The following HP1BP3 variants were observed in gnomAD, a reference collection of about 807,000 sequenced individuals.
HP1BP3 encodes heterochromatin protein 1 binding protein 3, also known as heterochromatin protein 1-binding protein 3.
In HP1BP3, 12 loss-of-function variants were observed where a neutral mutation model predicts 62.5. That is an observed-to-expected ratio of 0.19 (90% CI 0.12 to 0.31). The LOEUF (loss-of-function observed/expected upper bound fraction) is 0.31. Among genes scored for constraint, HP1BP3 ranks in the 10% least tolerant of loss-of-function variants. The pLI is 1.00. For synonymous variants in HP1BP3, 260 were observed against 237.8 expected (o/e 1.09, Z -0.86); for missense variants, 502 against 651.8 (o/e 0.77, Z 2.50).
intron 2 of HP1BP3, 102 bp downstream of exon 2, chr1:20,780,243 C>T (rs2057482847): frequency 4.9e-6 from 4 of 820,182 alleles, no homozygotes; most frequent in Non-Finnish European, 8.4e-6. Flanking sequence ...ACAACCTAGA[C>T]TCCCCAAAGT....
At chr1:20,782,908 GAAAAAAAA>G (rs1056907677) in intron 1 of HP1BP3, among the ~76,000 whole-genome samples, 103 of 119,914 alleles carry the variant, frequency 8.6e-4, no homozygotes, top group African/African-American at 3.0e-3. Context: ...TCAAAAAAAA[GAAAAAAAA>G]AAAAAAAAAA....
chr1:20,749,518 C>T (rs1413548337), intron 10 of HP1BP3, among the ~76,000 whole-genome samples: 1 of 151,874 alleles, frequency 6.6e-6, no homozygotes, highest in Non-Finnish European at 1.5e-5. Context: ...ACCACTACAC[C>T]CTGCTAATTT....
In HP1BP3 at chr1:20,747,518, T is replaced by C. The variant is rs376061411; in HGVS notation, c.1253+26A>G. 445 of 1,329,676 alleles carry C rather than the reference T, an allele frequency of 3.3e-4. 3 individuals are homozygous for C. The highest frequency in any genetic ancestry group is 1.1e-3 in the South Asian group (87 of 80,186). 82.4% of individuals were successfully genotyped at this position (1,329,676 alleles called of 1,614,324 possible). On this transcript the variant is annotated intron_variant, in intron 11 of 12. Coordinates refer to ENST00000438032, the MANE Select transcript of HP1BP3 (RefSeq NM_001372052.1). ...TGTAACTTAGACTATAAATTTACAG[T>C]GATCTATTATAGGCTAAGTACTTAC...
intron 10 of HP1BP3, among the ~76,000 whole-genome samples, chr1:20,749,350 TCTTTTC>T (rs1474307426): frequency 6.7e-6 from 1 of 149,228 alleles, no homozygotes; most frequent in Non-Finnish European, 1.5e-5. Context: ...GATTTTTTTT[TCTTTTC>T]TTTTCTTTTC....
intron 9 of HP1BP3, among the ~76,000 whole-genome samples, chr1:20,752,398 G>A (rs1416573972): frequency 2.6e-5 from 4 of 151,648 alleles, no homozygotes; most frequent in Admixed American, 6.6e-5. Flanking sequence ...GGATTCCAGC[G>A]ATTCTCCTGC....
intron 7 of HP1BP3, among the ~76,000 whole-genome samples, chr1:20,767,095 G>C (rs1178799737): frequency 1.3e-5 from 2 of 152,098 alleles, no homozygotes; most frequent in Non-Finnish European, 2.9e-5. Flanking sequence ...GAGGCGGGCA[G>C]ATCACTGAGG....
intron 8 of HP1BP3, 97 bp from the exon 9 acceptor site, chr1:20,757,353 G>C: frequency 1.7e-6 from 1 of 586,342 alleles, no homozygotes; most frequent in South Asian, 2.5e-5. Flanking sequence ...CTAGAGTTCT[G>C]ATTACTATTA....
intron 1 of HP1BP3, among the ~76,000 whole-genome samples, chr1:20,783,056 G>T (rs901868625): frequency 6.6e-6 from 1 of 152,016 alleles, no homozygotes; most frequent in Non-Finnish European, 1.5e-5. Context: ...AGGCTACAGT[G>T]AGCTAGAATT....
Position 20,784,838 on chromosome 1 carries a change from G to A in HP1BP3, c.-101+2357C>T, listed in dbSNP as rs74229123. Among the ~76,000 whole-genome samples the A allele has an allele frequency of 7.9e-5, 12 of 152,132 alleles. No individual in the cohort carries two copies. In the East Asian group the frequency reaches 1.4e-3, roughly 17 times the overall value. On this transcript the variant is annotated intron_variant, in intron 1 of 12. Coordinates refer to ENST00000438032, the MANE Select transcript of HP1BP3 (RefSeq NM_001372052.1). ...AAATAAACAGTCTGAGTTTACTTGT[G>A]GTTTACATGGTCCTCTTATGAACAT...
intron 9 of HP1BP3, 39 bp from the exon 10 acceptor site, chr1:20,749,921 A>G (rs370848834): frequency 1.3e-6 from 2 of 1,593,550 alleles, no homozygotes; most frequent in South Asian, 2.3e-5. Context: ...TCAAGACAAC[A>G]CTCTCCCAAA....
intron 9 of HP1BP3, chr1:20,750,261 C>G (rs12407704): frequency 0.4 from 64,307 of 161,612 alleles, 13,359 homozygotes; most frequent in African/African-American, 0.43. Context: ...GCAGGCAGAT[C>G]ACTTAAGGCC....
At chr1:20,785,906 T>C (rs1009917935) in intron 1 of HP1BP3, among the ~76,000 whole-genome samples, 3 of 152,246 alleles carry the variant, frequency 2.0e-5, no homozygotes, top group Non-Finnish European at 1.5e-5. Context: ...CTTTCAAAAA[T>C]GACACTAGTC....
rs372989362 is a variant in HP1BP3 at position 20,757,259 on chromosome 1, G to A, written c.891-3C>T. 59 of 1,575,838 alleles carry A rather than the reference G, an allele frequency of 3.7e-5. No individual in the cohort carries two copies. Among genetic ancestry groups the A allele is most frequent in the Non-Finnish European group, 4.7e-5 (55 of 1,164,888 alleles). On this transcript the variant is annotated splice_polypyrimidine_tract_variant and splice_region_variant and intron_variant, in intron 8 of 12. Transcript: ENST00000438032. Reference sequence around the variant, plus strand: ...GAGCGTTCTTCAACAGCTGAGGCCTGCAAAGAAAAACAAAAAAAAAATAGT... The same window carrying A: ...GAGCGTTCTTCAACAGCTGAGGCCTACAAAGAAAAACAAAAAAAAAATAGT...
chr1:20,753,596 T>C (rs2154539904), intron 9 of HP1BP3, among the ~76,000 whole-genome samples: 1 of 152,360 alleles, frequency 6.6e-6, no homozygotes, highest in South Asian at 2.1e-4. Context: ...TGTATCGTGC[T>C]ACAAAATTAT....
At chr1:20,778,530 A>G (rs1364487313) in intron 3 of HP1BP3, among the ~76,000 whole-genome samples, 1 of 152,212 alleles carries the variant, frequency 6.6e-6, no homozygotes. Context: ...TTAAACATGG[A>G]TTAAGATGGA....
At chr1:20,777,300 AT>A (rs1374711748) in intron 3 of HP1BP3, among the ~76,000 whole-genome samples, 2 of 152,002 alleles carry the variant, frequency 1.3e-5, no homozygotes, top group African/African-American at 4.8e-5. Context: ...AATAAAAAAA[AT>A]AAAAAAAACA....
At position 20,758,352 on chromosome 1, in the gene HP1BP3, C is replaced by CTT. The variant is rs71716877; in HGVS notation, c.891-1098_891-1097dup. Reference sequence around the variant, plus strand: ...CTTAAACCCTATGGGTTAAACACTCCTTTTTTTTTTTGAGACGCATTCTCC... The same window carrying CTT: ...CTTAAACCCTATGGGTTAAACACTCCTTTTTTTTTTTTTGAGACGCATTCTCC... On this transcript the variant is annotated intron_variant, in intron 8 of 12. Transcript: ENST00000438032. Among the ~76,000 whole-genome samples, 13 of 146,718 alleles carry CTT rather than the reference C, an allele frequency of 8.9e-5. No individual in the cohort carries two copies. The South Asian group carries it at 2.4e-3, about 27-fold the overall frequency.
intron 3 of HP1BP3, among the ~76,000 whole-genome samples, chr1:20,777,379 C>T (rs1347435128): frequency 6.6e-6 from 1 of 152,176 alleles, no homozygotes; most frequent in South Asian, 2.1e-4. Flanking sequence ...AGAATTTGAT[C>T]ATTTAAATTA....
chr1:20,776,192 A>C, intron 4 of HP1BP3: 1 of 513,946 alleles, frequency 1.9e-6, no homozygotes. Flanking sequence ...ATGCCTTCTA[A>C]CATAAGCACA....
Sources: gnomAD v4.1 joint callset for allele counts (sites outside exome capture counted in the v4.1 genomes callset) on GRCh38, gnomAD v4.1.1 for gene constraint, MANE v1.5 for transcripts, NCBI Gene and HGNC (gene_info 2026-07-23, HGNC 2026-07-21) for gene names.